The following TUG1 variants were observed in gnomAD, a reference collection of about 807,000 sequenced individuals.
TUG1 encodes the protein taurine up-regulated 1.
At chr22:30,972,548 C>T (rs532077373) in intron 1 of TUG1, 2 of 152,336 alleles carry the variant, frequency 1.3e-5, no homozygotes, top group African/African-American at 4.8e-5. Context: ...CACTTCCTCT[C>T]CTCACCAAAA....
At chr22:30,978,451 A>G (rs989806212) in exon 3 of TUG1, 5 of 152,154 alleles carry the variant, frequency 3.3e-5, no homozygotes, top group African/African-American at 1.2e-4. Context: ...GTAGTTTTTA[A>G]TTGCCCAGCA....
chr22:30,979,306 C>CT (rs1338380885), exon 3 of TUG1: 1 of 149,280 alleles, frequency 6.7e-6, no homozygotes, highest in African/African-American at 2.5e-5. Flanking sequence ...TCACATGAAA[C>CT]TTTCAACTTT....
chr22:30,971,520 A>G (rs887933761), exon 1 of TUG1: 9 of 152,710 alleles, frequency 5.9e-5, no homozygotes, highest in South Asian at 2.1e-4. Context: ...CTTTCAGTGT[A>G]GCCACAGCCA....
intron 2 of TUG1, 154 bp downstream of exon 2, chr22:30,973,741 C>A (rs576402522): frequency 6.6e-6 from 1 of 152,276 alleles, no homozygotes; most frequent in South Asian, 2.1e-4. Flanking sequence ...AGCAATTATC[C>A]AAGGTGACAC....
intron 1 of TUG1, chr22:30,972,469 A>G (rs958580074): frequency 2.0e-5 from 3 of 152,150 alleles, no homozygotes; most frequent in Non-Finnish European, 2.9e-5. Flanking sequence ...AAGAGGGGCA[A>G]TGTCTCCTTT....
At chr22:30,978,667 A>G (rs568598493) in exon 3 of TUG1, 1 of 152,282 alleles carries the variant, frequency 6.6e-6, no homozygotes, top group Admixed American at 6.5e-5. Flanking sequence ...GAAAACCTCA[A>G]ACTAACAGGG....
chr22:30,971,255 G>A (rs1190066235), exon 1 of TUG1: 1 of 152,174 alleles, frequency 6.6e-6, no homozygotes, highest in East Asian at 1.9e-4. Flanking sequence ...CTAAAGGGCA[G>A]AGACAGATAA....
At chr22:30,973,816 C>T (rs548437770) in intron 2 of TUG1, 2 of 152,186 alleles carry the variant, frequency 1.3e-5, no homozygotes, top group Non-Finnish European at 2.9e-5. Context: ...TGGAATTAGC[C>T]TCCATTTTAC....
exon 3 of TUG1, chr22:30,976,939 G>GT (rs1192205230): frequency 1.3e-5 from 2 of 152,134 alleles, no homozygotes; most frequent in Non-Finnish European, 2.9e-5. Flanking sequence ...TAGCCTCCTT[G>GT]TATATACAAC....
exon 2 of TUG1, chr22:30,973,018 G>A (rs1259232538): frequency 1.3e-5 from 2 of 152,962 alleles, no homozygotes; most frequent in African/African-American, 4.8e-5. Flanking sequence ...TGTGACCCAG[G>A]AGGCATTCAG....
exon 2 of TUG1, chr22:30,972,964 C>G (rs897712601): frequency 1.3e-5 from 2 of 153,486 alleles, no homozygotes; most frequent in Non-Finnish European, 2.9e-5. Context: ...GAGATGATTC[C>G]TACCACCTTA....
At chr22:30,977,379 G>A (rs1020246001) in exon 3 of TUG1, 1 of 152,082 alleles carries the variant, frequency 6.6e-6, no homozygotes, top group African/African-American at 2.4e-5. Context: ...TGACAAATCT[G>A]GCTCTGCTGA....
exon 3 of TUG1, chr22:30,978,386 C>T (rs2041313583): frequency 6.6e-6 from 1 of 152,176 alleles, no homozygotes; most frequent in Admixed American, 6.5e-5. Flanking sequence ...TGTTACCATT[C>T]AACTTCTTAA....
At chr22:30,971,493 A>G (rs2041229525) in exon 1 of TUG1, 3 of 152,682 alleles carry the variant, frequency 2.0e-5, no homozygotes, top group South Asian at 2.1e-4. Context: ...GTGTTCTGCA[A>G]TAGTTGGAGC....
chr22:30,976,932 C>T (rs1443906946), exon 3 of TUG1: 3 of 152,198 alleles, frequency 2.0e-5, no homozygotes, highest in African/African-American at 7.2e-5. Context: ...GGTTGACTAG[C>T]CTCCTTGTAT....
exon 1 of TUG1, chr22:30,969,743 G>C (rs1176000654): frequency 6.6e-6 from 1 of 152,274 alleles, no homozygotes; most frequent in Non-Finnish European, 1.5e-5. Context: ...GGACCCAGTT[G>C]GGGGGGCAGG....
chr22:30,974,749 C>G (rs1230910067), intron 2 of TUG1: 3 of 152,160 alleles, frequency 2.0e-5, no homozygotes, highest in African/African-American at 7.2e-5. Context: ...CAATATACTT[C>G]TGTATCCCTA....
At chr22:30,970,724 A>T (rs1406767156) in exon 1 of TUG1, 2 of 152,146 alleles carry the variant, frequency 1.3e-5, no homozygotes, top group Non-Finnish European at 2.9e-5. Flanking sequence ...TTCTTTTTAC[A>T]TGGTGCTGCC....
chr22:30,975,872 C>G (rs142174350), exon 3 of TUG1: 6 of 152,238 alleles, frequency 3.9e-5, no homozygotes, highest in Non-Finnish European at 7.4e-5. Flanking sequence ...TACTCTACTT[C>G]GTGTGCAAGA....
Sources: gnomAD v4.1 joint callset for allele counts on GRCh38, gnomAD v4.1.1 for gene constraint, MANE v1.5 for transcripts, NCBI Gene and HGNC (gene_info 2026-07-23, HGNC 2026-07-21) for gene names.